Variants in UGT2A2 observed in about 807,000 individuals in gnomAD.
UGT2A2 encodes UDP glucuronosyltransferase family 2 member A2.
In UGT2A2, 60 loss-of-function variants were observed where a neutral mutation model predicts 50.7. The observed-to-expected ratio is 1.18, with a 90% CI of 0.96 to 1.47. The LOEUF is 1.47. UGT2A2 is among the 40% of genes most tolerant of loss of function. UGT2A2 has a pLI of 0.00. For synonymous variants in UGT2A2, 242 were observed against 214.6 expected (o/e 1.13, Z -1.11); for missense variants, 762 against 634.0 (o/e 1.20, Z -2.17).
At chr4:69,613,716 A>G (rs1440157884) in intron 1 of UGT2A2, among the ~76,000 whole-genome samples, 2 of 152,174 alleles carry the variant, frequency 1.3e-5, no homozygotes, top group Non-Finnish European at 1.5e-5. Flanking sequence ...CAGTACCAGG[A>G]CAAAATCCAT....
rs1420320879 is a variant in UGT2A2, at chr4:69,604,889, C to A, written c.743-5495G>T. On this transcript the variant is annotated intron_variant, in intron 1 of 5. Transcript: ENST00000604629. ...GAGCTAGCTGTCCTAAATATATATG[C>A]ACCCAATACAGGAGCACCCAGATTC... is the stretch of plus-strand genomic sequence containing the variant. Among the ~76,000 whole-genome samples, 3 of 136,722 alleles carry A rather than the reference C, an allele frequency of 2.2e-5. 1 individual carries two copies. The highest frequency in any genetic ancestry group is 4.7e-5 in the Non-Finnish European group (3 of 64,248). 89.7% of individuals were successfully genotyped at this position (136,722 alleles called of 152,430 possible). A position where few individuals can be genotyped will look rare whatever the true frequency, so the allele number is the denominator to read the frequency against.
chr4:69,635,050 T>C (rs1351596324), intron 1 of UGT2A2, among the ~76,000 whole-genome samples: 3 of 152,140 alleles, frequency 2.0e-5, no homozygotes, highest in Non-Finnish European at 4.4e-5. Flanking sequence ...TTACATTGCA[T>C]GTCTGTATCA....
At chr4:69,634,369 T>C (rs1721562969) in intron 1 of UGT2A2, among the ~76,000 whole-genome samples, 1 of 151,854 alleles carries the variant, frequency 6.6e-6, no homozygotes, top group Non-Finnish European at 1.5e-5. Flanking sequence ...TAACAGAAAC[T>C]CCAAGTTTTC....
In UGT2A2 at chr4:69,605,560, A is replaced by G. The variant is rs181300122; in HGVS notation, c.743-6166T>C. ...ATTCAAGACCTAGCAGAAGGCAAGA[A>G]AAAACTAAGATCAGAGCAGAACTGA... On this transcript the variant is annotated intron_variant, in intron 1 of 5. Coordinates refer to ENST00000604629, the MANE Select transcript of UGT2A2 (RefSeq NM_001105677.2). Among the ~76,000 whole-genome samples, 120 of 136,950 alleles carry G rather than the reference A, an allele frequency of 8.8e-4. 24 individuals are homozygous for G. The East Asian group carries it at 0.012, about 14-fold the overall frequency. 89.8% of individuals were successfully genotyped at this position (136,950 alleles called of 152,430 possible).
At chr4:69,612,159 T>A (rs951531475) in intron 1 of UGT2A2, among the ~76,000 whole-genome samples, 5 of 152,102 alleles carry the variant, frequency 3.3e-5, no homozygotes, top group African/African-American at 1.2e-4. Flanking sequence ...GAAACAAGAC[T>A]TCATGTATGA....
In UGT2A2 at chr4:69,602,979, A is replaced by C. The variant is rs573626450; in HGVS notation, c.743-3585T>G. ...GATACTCTAGAGGCTGAGGCAGAGA[A>C]TTGCTTGAACCCGGGAGGAGGAGGT... On this transcript the variant is annotated intron_variant, in intron 1 of 5. Coordinates refer to ENST00000604629, the MANE Select transcript of UGT2A2 (RefSeq NM_001105677.2). Among the ~76,000 whole-genome samples the C allele has an allele frequency of 5.9e-5, 8 of 135,754 alleles. 1 individual carries two copies. In the East Asian group the frequency reaches 1.7e-3, roughly 28 times the overall value. The allele number at this position is 135,754 out of a possible 152,430, so 89.1% of individuals were successfully genotyped here.
chr4:69,624,374 GCA>G (rs1164373196), intron 1 of UGT2A2, among the ~76,000 whole-genome samples: 2 of 151,004 alleles, frequency 1.3e-5, no homozygotes, highest in African/African-American at 4.9e-5. Context: ...TCTTAAGATA[GCA>G]CAGAGTTTAG....
chr4:69,594,381 G>A, intron 5 of UGT2A2, 96 bp downstream of exon 5: 1 of 1,467,734 alleles, frequency 6.8e-7, no homozygotes, highest in Non-Finnish European at 9.1e-7. Flanking sequence ...GTTGTTATTG[G>A]AAAATAATTA....
At position 69,604,841 on chromosome 4, in the gene UGT2A2, T is replaced by G. The variant is rs1452942412; in HGVS notation, c.743-5447A>C. ...GACAAAGAAGGCCATTACATAATGGTAAAAGGATCAATTCAACAAGAAGAG... is the reference window on the plus strand; with the variant it reads ...GACAAAGAAGGCCATTACATAATGGGAAAAGGATCAATTCAACAAGAAGAG... On this transcript the variant is annotated intron_variant, in intron 1 of 5. Coordinates refer to ENST00000604629, the MANE Select transcript of UGT2A2 (RefSeq NM_001105677.2). Among the ~76,000 whole-genome samples the G allele has an allele frequency of 4.4e-5, 6 of 136,146 alleles. 2 individuals carry two copies. Among genetic ancestry groups the G allele is most frequent in the Admixed American group, 1.4e-4 (2 of 13,850 alleles). 89.3% of individuals were successfully genotyped at this position (136,146 alleles called of 152,430 possible).
At chr4:69,600,204 C>T (rs561757071) in intron 1 of UGT2A2, among the ~76,000 whole-genome samples, 21 of 152,254 alleles carry the variant, frequency 1.4e-4, no homozygotes, top group Non-Finnish European at 2.5e-4. Flanking sequence ...ATCCAGACCA[C>T]GGGGAAATGC....
At chr4:69,626,432 T>A (rs1721064256) in intron 1 of UGT2A2, among the ~76,000 whole-genome samples, 2 of 151,628 alleles carry the variant, frequency 1.3e-5, no homozygotes, top group African/African-American at 4.8e-5. Context: ...CCACCTACTA[T>A]TTCTAGTTGT....
At chr4:69,630,774 C>T (rs921369370) in intron 1 of UGT2A2, among the ~76,000 whole-genome samples, 6 of 152,080 alleles carry the variant, frequency 3.9e-5, no homozygotes, top group South Asian at 2.1e-4. Flanking sequence ...AAGGTGAAAC[C>T]GTGAATGCAA....
At position 69,589,236 on chromosome 4, in the gene UGT2A2, G is replaced by C. The variant is rs1718437003; in HGVS notation, c.*136C>G. The C allele has an allele frequency of 1.7e-6, 2 of 1,148,868 alleles. No individual in the cohort carries two copies. Among genetic ancestry groups the C allele is most frequent in the African/African-American group, 3.1e-5 (2 of 64,138 alleles). The allele number at this position is 1,148,868 out of a possible 1,614,324, so 71.2% of individuals were successfully genotyped here. The stretch of plus-strand genomic sequence containing the variant: ...AGGCTTTATCAGTAGGCTTATCGCA[G>C]GTAGAGAAATAGAAAATTTGGAAAC... On this transcript the variant is annotated 3_prime_UTR_variant, in exon 6 of 6. Transcript: ENST00000604629.
intron 2 of UGT2A2, among the ~76,000 whole-genome samples, 195 bp downstream of exon 2, chr4:69,599,051 C>G (rs931163749): frequency 2.0e-5 from 3 of 152,086 alleles, no homozygotes; most frequent in African/African-American, 7.2e-5. Context: ...TTTTATTCTT[C>G]AGTTTAAATT....
At chr4:69,610,860 TG>T (rs1464837650) in intron 1 of UGT2A2, among the ~76,000 whole-genome samples, 3 of 152,192 alleles carry the variant, frequency 2.0e-5, no homozygotes, top group South Asian at 4.1e-4. Context: ...TGTATTAGTT[TG>T]CTAGCACTGC....
intron 1 of UGT2A2, among the ~76,000 whole-genome samples, chr4:69,637,959 AAAAG>A (rs945573776): frequency 6.6e-6 from 1 of 150,788 alleles, no homozygotes; most frequent in Non-Finnish European, 1.5e-5. Flanking sequence ...AGGAAGGAAA[AAAAG>A]GAAGGAAAAA....
chr4:69,636,119 C>A (rs1252859633), intron 1 of UGT2A2, among the ~76,000 whole-genome samples: 1 of 152,074 alleles, frequency 6.6e-6, no homozygotes, highest in Non-Finnish European at 1.5e-5. Context: ...TGTACTTATT[C>A]TGATGTCCTT....
intron 5 of UGT2A2, 124 bp from the exon 6 acceptor site, chr4:69,589,775 C>A (rs1718485358): frequency 2.2e-6 from 3 of 1,348,724 alleles, no homozygotes; most frequent in Admixed American, 2.7e-5. Flanking sequence ...AAATATAATT[C>A]TTGCATGAAC....
At chr4:69,607,222 T>C (rs1194627559) in intron 1 of UGT2A2, among the ~76,000 whole-genome samples, 2 of 126,800 alleles carry the variant, frequency 1.6e-5, no homozygotes, top group Non-Finnish European at 3.6e-5. Context: ...AAAACAGAGA[T>C]AAAGACCAAT....
Sources: gnomAD v4.1 joint callset for allele counts (sites outside exome capture counted in the v4.1 genomes callset) on GRCh38, gnomAD v4.1.1 for gene constraint, MANE v1.5 for transcripts, NCBI Gene and HGNC (gene_info 2026-07-23, HGNC 2026-07-21) for gene names.